Variants in GALNTL6 observed in about 807,000 individuals in gnomAD.
GALNTL6 encodes the protein polypeptide N-acetylgalactosaminyltransferase-like 6.
A neutral mutation model predicts 73.7 loss-of-function variants in GALNTL6; 46 were observed. The observed-to-expected ratio is 0.62, with a 90% CI of 0.49 to 0.80. GALNTL6 has a LOEUF of 0.80. Ranked by LOEUF, GALNTL6 falls within the 30% of genes least tolerant of loss-of-function variation. The pLI is 0.00. For missense variants in GALNTL6, 604 were observed against 755.0 expected (o/e 0.80, Z 2.34); for synonymous variants, 259 against 263.7 (o/e 0.98, Z 0.17).
At chr4:172,821,964 C>T (rs982266015) in intron 7 of GALNTL6, among the ~76,000 whole-genome samples, 5 of 152,278 alleles carry the variant, frequency 3.3e-5, no homozygotes, top group Admixed American at 6.5e-5. Context: ...AGCCCCCAGT[C>T]TCCAGGGAAA....
chr4:171,983,098 A>AT (rs1389213994), intron 2 of GALNTL6, among the ~76,000 whole-genome samples: 4 of 151,916 alleles, frequency 2.6e-5, no homozygotes, highest in African/African-American at 4.8e-5. Flanking sequence ...TATGATTTAT[A>AT]TTTTTTTCCT....
intron 10 of GALNTL6, among the ~76,000 whole-genome samples, chr4:172,954,228 A>G (rs1206188841): frequency 6.6e-6 from 1 of 152,234 alleles, no homozygotes; most frequent in Non-Finnish European, 1.5e-5. Context: ...TGATTAAACC[A>G]TAACCTGAAT....
At chr4:172,307,837 G>A (rs1740198848) in intron 3 of GALNTL6, among the ~76,000 whole-genome samples, 1 of 151,582 alleles carries the variant, frequency 6.6e-6, no homozygotes, top group African/African-American at 2.4e-5. Context: ...TTGGTTATGT[G>A]GGATCTTTTT....
intron 3 of GALNTL6, among the ~76,000 whole-genome samples, chr4:172,275,132 T>C (rs1738782954): frequency 6.6e-6 from 1 of 152,220 alleles, no homozygotes; most frequent in African/African-American, 2.4e-5. Context: ...ATTCCTTTTT[T>C]CTCTGCCTTT....
chr4:172,527,852 G>T (rs150835781), intron 5 of GALNTL6, among the ~76,000 whole-genome samples: 9 of 152,144 alleles, frequency 5.9e-5, no homozygotes, highest in African/African-American at 1.7e-4. Flanking sequence ...CACATTATAT[G>T]TGTGAACCCA....
intron 2 of GALNTL6, among the ~76,000 whole-genome samples, chr4:171,901,134 A>T (rs1205214740): frequency 1.3e-5 from 2 of 152,176 alleles, no homozygotes; most frequent in Non-Finnish European, 2.9e-5. Context: ...TGATCATACT[A>T]GGCCTACTAA....
intron 5 of GALNTL6, among the ~76,000 whole-genome samples, chr4:172,390,838 C>T (rs1743642243): frequency 6.6e-6 from 1 of 152,098 alleles, no homozygotes; most frequent in Admixed American, 6.5e-5. Context: ...TGCAAAAAGA[C>T]TTTACATTGA....
intron 5 of GALNTL6, among the ~76,000 whole-genome samples, chr4:172,484,642 A>G (rs1438076240): frequency 6.6e-6 from 1 of 152,214 alleles, no homozygotes; most frequent in Non-Finnish European, 1.5e-5. Context: ...TGTCAATAGC[A>G]GTAGCACCTT....
intron 5 of GALNTL6, among the ~76,000 whole-genome samples, chr4:172,719,634 C>A: frequency 6.6e-6 from 1 of 152,030 alleles, no homozygotes; most frequent in South Asian, 2.1e-4. Flanking sequence ...TTTGCCAAAT[C>A]CTTAGATATA....
At chr4:172,273,621 C>T (rs566230679) in intron 3 of GALNTL6, among the ~76,000 whole-genome samples, 97 of 152,136 alleles carry the variant, frequency 6.4e-4, no homozygotes, top group Non-Finnish European at 1.2e-3. Context: ...GTTCTTTCAA[C>T]AGATAGGTAG....
intron 5 of GALNTL6, among the ~76,000 whole-genome samples, chr4:172,638,505 C>T (rs962594780): frequency 7.2e-5 from 11 of 152,048 alleles, no homozygotes; most frequent in African/African-American, 1.7e-4. Flanking sequence ...GTTTTCTCTC[C>T]CCTCTCTCTG....
intron 2 of GALNTL6, among the ~76,000 whole-genome samples, chr4:172,226,723 T>C (rs1219956416): frequency 6.6e-6 from 1 of 152,058 alleles, no homozygotes. Flanking sequence ...CTCTGCAATG[T>C]TGTATCTTTT....
chr4:172,335,104 C>T (rs780019516), intron 4 of GALNTL6, among the ~76,000 whole-genome samples: 1 of 151,936 alleles, frequency 6.6e-6, no homozygotes, highest in Non-Finnish European at 1.5e-5. Flanking sequence ...CCCGCCACCA[C>T]GCCCAGCTAA....
rs961232844 is a variant in GALNTL6 at position 172,368,650 on chromosome 4, C to T, written c.553+19961C>T. Among the ~76,000 whole-genome samples, 11 of 152,026 alleles carry T rather than the reference C, an allele frequency of 7.2e-5. No individual in the cohort carries two copies. The East Asian group carries it at 1.4e-3, about 19-fold the overall frequency. ...CTCGCTGACTTCAAGAATGAAGCCG[C>T]GGACCCTTGCAGTGAGTGTTACAGT... On this transcript the variant is annotated intron_variant, in intron 5 of 12. Coordinates refer to ENST00000506823, the MANE Select transcript of GALNTL6 (RefSeq NM_001034845.3).
At chr4:172,184,868 T>C (rs1050525242) in intron 2 of GALNTL6, among the ~76,000 whole-genome samples, 3 of 152,212 alleles carry the variant, frequency 2.0e-5, no homozygotes, top group African/African-American at 7.2e-5. Context: ...GGAGCCGAAC[T>C]GCCCCTTTTA....
chr4:172,628,443 G>A (rs566840729), intron 5 of GALNTL6, among the ~76,000 whole-genome samples: 1 of 151,890 alleles, frequency 6.6e-6, no homozygotes, highest in Admixed American at 6.6e-5. Flanking sequence ...AAACTCTGCT[G>A]CAGGTAGGCT....
At chr4:172,750,497 T>C (rs1172939001) in intron 5 of GALNTL6, among the ~76,000 whole-genome samples, 1 of 152,116 alleles carries the variant, frequency 6.6e-6, no homozygotes, top group Admixed American at 6.6e-5. Flanking sequence ...ACTCTATTCC[T>C]CCTAGGAGCC....
At chr4:172,512,623 G>A (rs1489162108) in intron 5 of GALNTL6, among the ~76,000 whole-genome samples, 1 of 152,066 alleles carries the variant, frequency 6.6e-6, no homozygotes, top group Non-Finnish European at 1.5e-5. Flanking sequence ...AACAGTTCTT[G>A]TAGTGCTGGC....
chr4:172,660,698 T>A (rs1162455597), intron 5 of GALNTL6, among the ~76,000 whole-genome samples: 1 of 152,176 alleles, frequency 6.6e-6, no homozygotes, highest in Non-Finnish European at 1.5e-5. Context: ...TGGCCCCACT[T>A]ATCCATAAGC....
Sources: allele counts gnomAD v4.1 joint callset (sites outside exome capture counted in the v4.1 genomes callset), GRCh38; gene constraint gnomAD v4.1.1; transcripts MANE v1.5; gene names NCBI Gene and HGNC (gene_info 2026-07-23, HGNC 2026-07-21).